ZFPM2: variants seen among roughly 807,000 people sequenced by gnomAD.
ZFPM2 encodes the protein zinc finger protein, FOG family member 2, also known as zinc finger protein ZFPM2.
Under a neutral mutation model 98.6 loss-of-function variants are expected in ZFPM2, and 20 were observed. The ratio of observed to expected loss-of-function variants is 0.20; its 90% CI spans 0.14 to 0.29. The LOEUF (loss-of-function observed/expected upper bound fraction) is 0.29, where lower values mean the gene tolerates loss of function less well. ZFPM2 is among the 10% of genes least tolerant of loss of function. The probability of loss-of-function intolerance (pLI) is 1.00; values close to 1 mark genes in which losing one functional copy is unlikely to be tolerated. For synonymous variants in ZFPM2, 518 were observed against 502.7 expected (o/e 1.03, Z -0.41); for missense variants, 1,310 against 1,388.6 (o/e 0.94, Z 0.90).
At chr8:105,746,673 TTTTTGGTGAA>T in intron 5 of ZFPM2, among the ~76,000 whole-genome samples, 1 of 150,410 alleles carries the variant, frequency 6.6e-6, no homozygotes, top group Non-Finnish European at 1.5e-5. Flanking sequence ...TTTTTTTTTT[TTTTTGGTGAA>T]TTTTGATCAG....
chr8:105,637,808 C>T (rs1179415316), intron 5 of ZFPM2, among the ~76,000 whole-genome samples: 1 of 152,052 alleles, frequency 6.6e-6, no homozygotes, highest in African/African-American at 2.4e-5. Context: ...AAAGCAAAAG[C>T]GTTTTGAAGA....
At chr8:105,357,757 A>T (rs1357950118) in intron 1 of ZFPM2, among the ~76,000 whole-genome samples, 1 of 152,172 alleles carries the variant, frequency 6.6e-6, no homozygotes, top group East Asian at 1.9e-4. Context: ...TCAATAACTG[A>T]CTTTGGAAGT....
intron 5 of ZFPM2, among the ~76,000 whole-genome samples, chr8:105,710,057 C>T (rs1236622233): frequency 6.7e-6 from 1 of 149,930 alleles, no homozygotes; most frequent in Non-Finnish European, 1.5e-5. Context: ...CATCATAAGA[C>T]TCATAAGGTT....
At chr8:105,758,662 A>G (rs1475661752) in intron 5 of ZFPM2, among the ~76,000 whole-genome samples, 1 of 152,070 alleles carries the variant, frequency 6.6e-6, no homozygotes, top group East Asian at 1.9e-4. Flanking sequence ...TTAGTAATCA[A>G]TTGATTGAAA....
chr8:105,326,464 T>TA (rs1812117195), intron 1 of ZFPM2, among the ~76,000 whole-genome samples: 1 of 151,744 alleles, frequency 6.6e-6, no homozygotes, highest in Non-Finnish European at 1.5e-5. Flanking sequence ...ATATGCAGCT[T>TA]ACAATTTCAG....
At chr8:105,493,498 T>C (rs1813397140) in intron 3 of ZFPM2, among the ~76,000 whole-genome samples, 1 of 152,192 alleles carries the variant, frequency 6.6e-6, no homozygotes, top group Non-Finnish European at 1.5e-5. Flanking sequence ...ACACTGCAAG[T>C]GATAAGAGAA....
At chr8:105,763,532 C>T (rs1812784277) in intron 5 of ZFPM2, among the ~76,000 whole-genome samples, 1 of 151,770 alleles carries the variant, frequency 6.6e-6, no homozygotes, top group Non-Finnish European at 1.5e-5. Context: ...GAGAGTAGAA[C>T]TAACATTTTT....
intron 4 of ZFPM2, 40 bp from the exon 5 acceptor site, chr8:105,634,206 G>A (rs772609133): frequency 1.2e-5 from 18 of 1,484,530 alleles, no homozygotes; most frequent in South Asian, 2.4e-5. Flanking sequence ...TTTAATCAAC[G>A]GAAGCAAATG....
At chr8:105,549,047 C>T (rs1814780668) in intron 3 of ZFPM2, among the ~76,000 whole-genome samples, 1 of 152,134 alleles carries the variant, frequency 6.6e-6, no homozygotes, top group African/African-American at 2.4e-5. Context: ...ATTGATCACA[C>T]CTCAAATAAG....
In ZFPM2 at chr8:105,801,755, A is replaced by G. The variant is rs895765689; in HGVS notation, c.1673A>G (p.Asn558Ser). 1 of 1,613,800 alleles carries G rather than the reference A, an allele frequency of 6.2e-7. No homozygotes were observed. The highest frequency in any genetic ancestry group is 1.3e-5 in the African/African-American group (1 of 74,894). The change falls in exon 8 of 8, where the codon AAT becomes AGT. Residue 558 changes from asparagine to serine, a missense_variant. Physicochemically the swap from Asn to Ser is conservative, Grantham distance 46. Coordinates refer to ENST00000407775, the MANE Select transcript of ZFPM2 (RefSeq NM_012082.4). The stretch of plus-strand genomic sequence containing the variant: ...TGTTTTGAGTGTAACATAACATTCA[A>G]TAATTTGGATAATTATCTAGTGCAC... ...ATCFECNITF[N>S]NLDNYLVHKK... is the part of the protein sequence containing the mutation.
At chr8:105,330,560 A>ATG (rs1812198085) in intron 1 of ZFPM2, among the ~76,000 whole-genome samples, 2 of 77,630 alleles carry the variant, frequency 2.6e-5, no homozygotes, top group South Asian at 7.4e-4. Flanking sequence ...ATACATATAT[A>ATG]TATATATACA....
At chr8:105,496,044 T>G (rs901684789) in intron 3 of ZFPM2, among the ~76,000 whole-genome samples, 2 of 152,232 alleles carry the variant, frequency 1.3e-5, no homozygotes, top group Non-Finnish European at 2.9e-5. Flanking sequence ...ACAATGCTAT[T>G]AACTAAACTC....
At chr8:105,419,015 C>T in intron 1 of ZFPM2, 129 bp from the exon 2 acceptor site, 1 of 745,130 alleles carries the variant, frequency 1.3e-6, no homozygotes, top group Non-Finnish European at 2.2e-6. Flanking sequence ...TTTGTGAGTC[C>T]CCTTGGTGGT....
Position 105,556,783 on chromosome 8 carries a change from T to C in ZFPM2, c.302-4580T>C, listed in dbSNP as rs1433499968. The stretch of plus-strand genomic sequence containing the variant: ...TGTCACCCAGGCTGGAGTGCAGTGG[T>C]GCGATCTTGGCTCACTGCAACCTCT... On this transcript the variant is annotated intron_variant, in intron 3 of 7. Coordinates refer to ENST00000407775, the MANE Select transcript of ZFPM2 (RefSeq NM_012082.4). Among the ~76,000 whole-genome samples, 31 of 142,450 alleles carry C rather than the reference T, an allele frequency of 2.2e-4. No individual in the cohort carries two copies. The Admixed American group carries it at 2.3e-3, about 10-fold the overall frequency. 93.5% of individuals were successfully genotyped at this position (142,450 alleles called of 152,430 possible).
At chr8:105,430,220 G>T (rs191412618) in intron 2 of ZFPM2, among the ~76,000 whole-genome samples, 2 of 152,260 alleles carry the variant, frequency 1.3e-5, no homozygotes, top group African/African-American at 4.8e-5. Context: ...ACCTAATTTT[G>T]TAGGTGGGAC....
Position 105,669,643 on chromosome 8 carries a change from T to A in ZFPM2, c.532+35286T>A, listed in dbSNP as rs182865459. Among the ~76,000 whole-genome samples the A allele has an allele frequency of 3.1e-3, 470 of 152,040 alleles. 1 individual carries two copies. Among genetic ancestry groups the A allele is most frequent in the Non-Finnish European group, 4.4e-3 (299 of 67,970 alleles). On this transcript the variant is annotated intron_variant, in intron 5 of 7. Transcript: ENST00000407775. ...TTAGATCCATCAGCTTAGGATAGACTTTTTTGATAAATGTGACAGGGTCAG... is the reference window on the plus strand; with the variant it reads ...TTAGATCCATCAGCTTAGGATAGACATTTTTGATAAATGTGACAGGGTCAG...
chr8:105,789,472 T>C (rs2131138371), intron 6 of ZFPM2, among the ~76,000 whole-genome samples: 1 of 152,338 alleles, frequency 6.6e-6, no homozygotes, highest in South Asian at 2.1e-4. Flanking sequence ...ATTTTCTTAA[T>C]CCAGTCTATC....
At chr8:105,689,655 G>A (rs1461618351) in intron 5 of ZFPM2, among the ~76,000 whole-genome samples, 1 of 152,178 alleles carries the variant, frequency 6.6e-6, no homozygotes, top group Non-Finnish European at 1.5e-5. Context: ...CATGTTGGAT[G>A]GTGATGCAGT....
At chr8:105,503,926 C>T (rs942938688) in intron 3 of ZFPM2, among the ~76,000 whole-genome samples, 2 of 152,162 alleles carry the variant, frequency 1.3e-5, no homozygotes, top group East Asian at 1.9e-4. Context: ...TCACTGCAGT[C>T]GCTGCTGGTA....
Sources: allele counts gnomAD v4.1 joint callset (sites outside exome capture counted in the v4.1 genomes callset), GRCh38; gene constraint gnomAD v4.1.1; transcripts MANE v1.5; gene names NCBI Gene and HGNC (gene_info 2026-07-23, HGNC 2026-07-21).